ZNF385B: variants seen among roughly 807,000 people sequenced by gnomAD.
The protein encoded by ZNF385B is zinc finger protein 385B.
Under a neutral mutation model 39.2 loss-of-function variants are expected in ZNF385B, and 23 were observed. That is an observed-to-expected ratio of 0.59 (90% confidence interval 0.42 to 0.83). The LOEUF is 0.83. Ranked by LOEUF, ZNF385B falls within the 40% of genes least tolerant of loss-of-function variation. ZNF385B has a pLI of 0.00. For synonymous variants in ZNF385B, 205 were observed against 222.6 expected (o/e 0.92, Z 0.70); for missense variants, 552 against 598.9 (o/e 0.92, Z 0.82).
chr2:179,717,580 T>A (rs1219413855), intron 3 of ZNF385B, among the ~76,000 whole-genome samples: 1 of 152,076 alleles, frequency 6.6e-6, no homozygotes, highest in Non-Finnish European at 1.5e-5. Context: ...AAATTATTTT[T>A]TAGAAGCTAG....
intron 1 of ZNF385B, among the ~76,000 whole-genome samples, chr2:179,843,550 C>T (rs1559244684): frequency 6.6e-6 from 1 of 152,196 alleles, no homozygotes; most frequent in Non-Finnish European, 1.5e-5. Flanking sequence ...AAAGCAGTAC[C>T]TCACACAGTA....
intron 3 of ZNF385B, among the ~76,000 whole-genome samples, chr2:179,750,778 G>A (rs1702623216): frequency 6.6e-6 from 1 of 152,028 alleles, no homozygotes; most frequent in Admixed American, 6.6e-5. Context: ...ACCTCACACT[G>A]AAATGATTTA....
At chr2:179,533,287 A>G (rs902026797) in intron 4 of ZNF385B, among the ~76,000 whole-genome samples, 7 of 152,170 alleles carry the variant, frequency 4.6e-5, no homozygotes, top group African/African-American at 1.7e-4. Flanking sequence ...TGTAAGATGT[A>G]TCAGTTTTAC....
intron 1 of ZNF385B, among the ~76,000 whole-genome samples, chr2:179,852,195 A>C (rs1684230871): frequency 6.6e-6 from 1 of 152,194 alleles, no homozygotes; most frequent in Admixed American, 6.5e-5. Flanking sequence ...GCAGGAAGGG[A>C]CCATAGAGAA....
intron 3 of ZNF385B, among the ~76,000 whole-genome samples, chr2:179,621,574 A>G (rs180746606): frequency 2.7e-4 from 41 of 152,326 alleles, no homozygotes; most frequent in Non-Finnish European, 5.1e-4. Context: ...AATGCATGCA[A>G]TTGGTTCCCC....
At chr2:179,822,182 G>C (rs1707436863) in intron 1 of ZNF385B, among the ~76,000 whole-genome samples, 1 of 152,158 alleles carries the variant, frequency 6.6e-6, no homozygotes, top group East Asian at 1.9e-4. Flanking sequence ...ATTGAGCACA[G>C]GCTTTTGTCC....
At chr2:179,770,420 T>G (rs1270435145) in intron 2 of ZNF385B, 101 bp downstream of exon 2, 1 of 152,842 alleles carries the variant, frequency 6.5e-6, no homozygotes, top group African/African-American at 2.4e-5. Flanking sequence ...TAGACACAAA[T>G]ATATATACAA....
chr2:179,579,764 C>T (rs188055323), intron 3 of ZNF385B, among the ~76,000 whole-genome samples: 39 of 152,064 alleles, frequency 2.6e-4, no homozygotes, highest in Admixed American at 3.9e-4. Flanking sequence ...AAAATAATAA[C>T]CAACAATTTT....
chr2:179,634,392 A>T (rs546421683), intron 3 of ZNF385B, among the ~76,000 whole-genome samples: 366 of 152,286 alleles, frequency 2.4e-3, no homozygotes, highest in Non-Finnish European at 4.4e-3. Flanking sequence ...AGTGGGCAAA[A>T]GATATGAACA....
intron 3 of ZNF385B, among the ~76,000 whole-genome samples, chr2:179,613,102 C>T (rs945456841): frequency 5.9e-5 from 9 of 152,182 alleles, no homozygotes; most frequent in Non-Finnish European, 1.3e-4. Flanking sequence ...ATGGTGAATG[C>T]GGCCAAGCCT....
chr2:179,709,135 A>G (rs746971), intron 3 of ZNF385B, among the ~76,000 whole-genome samples: 5,766 of 152,280 alleles, frequency 0.038, 348 homozygotes, highest in African/African-American at 0.13. Context: ...ATCTTGCCCC[A>G]GGAATATTTA....
rs60162879 is a variant in ZNF385B, at chr2:179,540,743, TGAA to T, written c.441+4081_441+4083del. On this transcript the variant is annotated intron_variant, in intron 4 of 9. Transcript: ENST00000410066. ...TGTCCTCAAGGATCTGATGTTCTAG[TGAA>T]GAAGACAGATTAACAGGTAATTAAA... 7.9e-4 allele frequency among the ~76,000 whole-genome samples: 120 copies of T among 152,280 alleles called. 1 individual carries two copies. In the East Asian group the frequency reaches 0.019, roughly 25 times the overall value.
chr2:179,462,427 G>A (rs2051437611), intron 6 of ZNF385B, among the ~76,000 whole-genome samples: 1 of 152,194 alleles, frequency 6.6e-6, no homozygotes, highest in South Asian at 2.1e-4. Flanking sequence ...AAACCTGTAT[G>A]TATGTAAACT....
chr2:179,752,516 T>A (rs1385948459), intron 3 of ZNF385B, among the ~76,000 whole-genome samples: 2 of 152,236 alleles, frequency 1.3e-5, no homozygotes, highest in Non-Finnish European at 2.9e-5. Context: ...CCACACTATC[T>A]TCCACAATGG....
At chr2:179,477,847 T>C (rs979221404) in intron 6 of ZNF385B, among the ~76,000 whole-genome samples, 6 of 151,710 alleles carry the variant, frequency 4.0e-5, no homozygotes, top group African/African-American at 1.5e-4. Context: ...CTACAGATAA[T>C]GTCCCGCATA....
At chr2:179,541,918 A>T (rs1350198579) in intron 4 of ZNF385B, among the ~76,000 whole-genome samples, 1 of 152,190 alleles carries the variant, frequency 6.6e-6, no homozygotes, top group Non-Finnish European at 1.5e-5. Context: ...TTTTGAAGTT[A>T]AAAAGATTCT....
At chr2:179,675,677 G>A (rs1444973252) in intron 3 of ZNF385B, among the ~76,000 whole-genome samples, 1 of 152,184 alleles carries the variant, frequency 6.6e-6, no homozygotes, top group Non-Finnish European at 1.5e-5. Context: ...ACTGGTATGA[G>A]AAAGTGGGTT....
intron 3 of ZNF385B, among the ~76,000 whole-genome samples, chr2:179,720,748 C>A (rs1016177068): frequency 1.3e-5 from 2 of 151,548 alleles, no homozygotes; most frequent in South Asian, 4.2e-4. Context: ...AAAGAAAATA[C>A]CAAAGAACCT....
chr2:179,711,723 G>C (rs934495502), intron 3 of ZNF385B, among the ~76,000 whole-genome samples: 2 of 152,064 alleles, frequency 1.3e-5, no homozygotes, highest in African/African-American at 2.4e-5. Flanking sequence ...AGGTTGCTAG[G>C]GGGAGGATGC....
Sources: allele counts gnomAD v4.1 joint callset (sites outside exome capture counted in the v4.1 genomes callset), GRCh38; gene constraint gnomAD v4.1.1; transcripts MANE v1.5; gene names NCBI Gene and HGNC (gene_info 2026-07-23, HGNC 2026-07-21).